MYRIP: variants seen among roughly 807,000 people sequenced by gnomAD.
The protein encoded by MYRIP is rab effector MyRIP.
In MYRIP, 49 loss-of-function variants were observed where a neutral mutation model predicts 98.0. That is an observed-to-expected ratio of 0.50 (90% CI 0.40 to 0.63). The LOEUF is 0.63. Ranked by LOEUF, MYRIP falls within the 30% of genes least tolerant of loss-of-function variation. The pLI is 0.00. For synonymous variants in MYRIP, 404 were observed against 409.5 expected (o/e 0.99, Z 0.16); for missense variants, 1,004 against 1,058.2 (o/e 0.95, Z 0.71).
intron 2 of MYRIP, among the ~76,000 whole-genome samples, chr3:39,945,831 T>G (rs11927023): frequency 2.1e-3 from 319 of 152,234 alleles, no homozygotes; most frequent in Non-Finnish European, 3.7e-3. Context: ...TCAAAAGTAG[T>G]TCTTAAAAGA....
chr3:39,960,368 G>T lies in MYRIP; in HGVS notation c.110+59442G>T, dbSNP rs1049073905. ...TGAGACTTTCTTGTAAAAAACACAT[G>T]AGTCCTATTAACAAAACAATTGTTT... On this transcript the variant is annotated intron_variant, in intron 2 of 16. Transcript: ENST00000302541. Among the ~76,000 whole-genome samples the T allele has an allele frequency of 2.0e-5, 3 of 152,232 alleles. No homozygotes were observed. The South Asian group carries it at 6.2e-4, about 32-fold the overall frequency.
intron 2 of MYRIP, among the ~76,000 whole-genome samples, chr3:39,904,948 C>T (rs73074768): frequency 6.6e-6 from 1 of 152,076 alleles, no homozygotes; most frequent in Non-Finnish European, 1.5e-5. Flanking sequence ...AGTAGACAGG[C>T]AATACCAGAT....
chr3:40,086,228 G>A (rs1443710228), intron 3 of MYRIP, among the ~76,000 whole-genome samples: 1 of 152,154 alleles, frequency 6.6e-6, no homozygotes, highest in Non-Finnish European at 1.5e-5. Flanking sequence ...TCCCAGCAGA[G>A]CCCCAGTCCA....
At chr3:39,958,384 A>G (rs1316354305) in intron 2 of MYRIP, among the ~76,000 whole-genome samples, 1 of 152,190 alleles carries the variant, frequency 6.6e-6, no homozygotes, top group Non-Finnish European at 1.5e-5. Context: ...ACAAAGCTAC[A>G]ACCAACTGAT....
chr3:40,099,054 A>G (rs1344234815), intron 3 of MYRIP, among the ~76,000 whole-genome samples: 1 of 152,162 alleles, frequency 6.6e-6, no homozygotes, highest in Non-Finnish European at 1.5e-5. Flanking sequence ...GGCCCAGCTG[A>G]GAACTGGCAT....
intron 2 of MYRIP, among the ~76,000 whole-genome samples, chr3:39,917,179 G>A (rs1001233790): frequency 6.6e-6 from 1 of 151,822 alleles, no homozygotes; most frequent in African/African-American, 2.4e-5. Flanking sequence ...ACATACATAT[G>A]ACTAAAAAGA....
At chr3:39,897,847 G>A (rs1252803745) in intron 1 of MYRIP, among the ~76,000 whole-genome samples, 1 of 111,782 alleles carries the variant, frequency 8.9e-6, no homozygotes, top group Middle Eastern at 4.7e-3. Context: ...TTTTTTTTTA[G>A]GTTTGATATG....
intron 4 of MYRIP, among the ~76,000 whole-genome samples, chr3:40,157,077 T>C (rs1275020176): frequency 2.0e-5 from 3 of 149,818 alleles, no homozygotes; most frequent in African/African-American, 7.4e-5. Context: ...TGTGCCAGTT[T>C]TCAAAGGGAA....
intron 8 of MYRIP, 76 bp downstream of exon 8, chr3:40,170,169 A>G: frequency 6.5e-7 from 1 of 1,547,016 alleles, no homozygotes; most frequent in Non-Finnish European, 8.8e-7. Flanking sequence ...CTGTAGTTGA[A>G]TCAGGTGGCC....
intron 10 of MYRIP, among the ~76,000 whole-genome samples, chr3:40,196,458 G>T (rs979090267): frequency 6.6e-6 from 1 of 151,844 alleles, no homozygotes; most frequent in South Asian, 2.1e-4. Flanking sequence ...AATGTAATTC[G>T]CATTTTAATC....
chr3:40,070,151 T>C (rs1478354533), intron 3 of MYRIP, among the ~76,000 whole-genome samples: 1 of 152,178 alleles, frequency 6.6e-6, no homozygotes, highest in Non-Finnish European at 1.5e-5. Context: ...ACATAATACT[T>C]GATCAATTAC....
intron 12 of MYRIP, 66 bp from the exon 13 acceptor site, chr3:40,244,380 C>T: frequency 6.8e-7 from 1 of 1,480,278 alleles, no homozygotes; most frequent in South Asian, 1.4e-5. Context: ...CTGGGGTCCC[C>T]TCAAGGGACC....
intron 1 of MYRIP, among the ~76,000 whole-genome samples, chr3:39,884,805 TA>T (rs1943246176): frequency 9.2e-6 from 1 of 108,724 alleles, no homozygotes; most frequent in African/African-American, 3.5e-5. Context: ...ATACAGTCAT[TA>T]TTATTTTTTT....
chr3:40,031,454 A>C (rs1432929482), intron 2 of MYRIP, among the ~76,000 whole-genome samples: 1 of 152,142 alleles, frequency 6.6e-6, no homozygotes, highest in Non-Finnish European at 1.5e-5. Flanking sequence ...TAGAGGCTGC[A>C]ATGCTAATTT....
At chr3:39,876,836 C>T (rs1380773119) in intron 1 of MYRIP, among the ~76,000 whole-genome samples, 7 of 151,926 alleles carry the variant, frequency 4.6e-5, no homozygotes, top group Admixed American at 6.6e-5. Flanking sequence ...TTGCTCTTCT[C>T]GAGGAGTATC....
chr3:40,023,514 CT>C (rs1947048956), intron 2 of MYRIP, among the ~76,000 whole-genome samples: 4 of 134 alleles, frequency 0.03, no homozygotes, highest in African/African-American at 0.11. Context: ...GACATCACTG[CT>C]GCTGCTGCCA....
At chr3:39,874,950 G>A (rs1464890354) in intron 1 of MYRIP, among the ~76,000 whole-genome samples, 3 of 152,078 alleles carry the variant, frequency 2.0e-5, no homozygotes, top group Admixed American at 1.3e-4. Context: ...GGTAGAATTC[G>A]GCTGTGAATC....
intron 10 of MYRIP, among the ~76,000 whole-genome samples, chr3:40,203,027 T>C (rs1575625495): frequency 6.6e-6 from 1 of 152,096 alleles, no homozygotes; most frequent in Non-Finnish European, 1.5e-5. Context: ...CCTCCCAGGT[T>C]CAAGCGATTC....
chr3:40,058,718 TG>T (rs1230421734), intron 3 of MYRIP, among the ~76,000 whole-genome samples: 1 of 151,984 alleles, frequency 6.6e-6, no homozygotes, highest in Non-Finnish European at 1.5e-5. Context: ...ATTTTGAACA[TG>T]GTACTTGGGT....
Sources: allele counts gnomAD v4.1 joint callset (sites outside exome capture counted in the v4.1 genomes callset), GRCh38; gene constraint gnomAD v4.1.1; transcripts MANE v1.5; gene names NCBI Gene and HGNC (gene_info 2026-07-23, HGNC 2026-07-21).